Variants in TMEM232 observed in about 807,000 individuals in gnomAD.
TMEM232 encodes transmembrane protein 232.
Under a neutral mutation model 78.8 loss-of-function variants are expected in TMEM232, and 80 were observed. The ratio of observed to expected loss-of-function variants is 1.01; its 90% confidence interval spans 0.85 to 1.22. The LOEUF (loss-of-function observed/expected upper bound fraction) is 1.22. TMEM232 is among the 50% of genes most tolerant of loss of function. The probability of loss-of-function intolerance (pLI) is 0.00; values close to 1 mark genes in which losing one functional copy is unlikely to be tolerated. For missense variants in TMEM232, 881 were observed against 742.2 expected, an observed-to-expected ratio of 1.19 and a Z score of -2.17; for synonymous variants, 297 against 254.3, an observed-to-expected ratio of 1.17 and a Z score of -1.60.
intron 8 of TMEM232, among the ~76,000 whole-genome samples, chr5:110,613,341 G>A (rs1306059619): frequency 2.6e-5 from 4 of 152,096 alleles, no homozygotes; most frequent in African/African-American, 9.7e-5. Flanking sequence ...CATCAGAAAT[G>A]GGCATATGAG....
At chr5:110,621,163 C>A (rs1783698946) in intron 7 of TMEM232, among the ~76,000 whole-genome samples, 1 of 151,296 alleles carries the variant, frequency 6.6e-6, no homozygotes, top group African/African-American at 2.4e-5. Flanking sequence ...ATGCCCGGCC[C>A]ATCAAGCAAT....
chr5:110,668,529 C>G (rs1191068777), intron 1 of TMEM232, among the ~76,000 whole-genome samples: 1 of 152,056 alleles, frequency 6.6e-6, no homozygotes, highest in African/African-American at 2.4e-5. Context: ...GGAAAATATC[C>G]AGCAAAATAT....
rs903044806 is a variant in TMEM232, at chr5:110,419,578, C to T, written c.*1002G>A. Among the ~76,000 whole-genome samples, 14 of 152,100 alleles carry T rather than the reference C, an allele frequency of 9.2e-5. No individual in the cohort carries two copies. Among genetic ancestry groups the T allele is most frequent in the African/African-American group, 2.7e-4 (11 of 41,440 alleles). ...AGGCTGGATGATTTTACAATACTGACATACATTTTGGAATGTAACCGAGTG... is the reference window on the plus strand; with the variant it reads ...AGGCTGGATGATTTTACAATACTGATATACATTTTGGAATGTAACCGAGTG... On this transcript the variant is annotated 3_prime_UTR_variant, in exon 14 of 14. Coordinates refer to ENST00000455884, the MANE Select transcript of TMEM232 (RefSeq NM_001039763.4).
intron 12 of TMEM232, among the ~76,000 whole-genome samples, chr5:110,489,989 T>TG (rs1764856292): frequency 6.6e-6 from 1 of 151,914 alleles, no homozygotes; most frequent in Non-Finnish European, 1.5e-5. Context: ...CTGGGTGTGG[T>TG]GGCGCGTGCC....
At chr5:110,564,127 A>C (rs1776062036) in intron 11 of TMEM232, among the ~76,000 whole-genome samples, 1 of 151,990 alleles carries the variant, frequency 6.6e-6, no homozygotes, top group Non-Finnish European at 1.5e-5. Flanking sequence ...TATTAACATT[A>C]ATTTGTATCC....
chr5:110,393,956 C>T (rs1165809432), intron 3 of TMEM232, among the ~76,000 whole-genome samples: 2 of 122,418 alleles, frequency 1.6e-5, no homozygotes, highest in East Asian at 2.8e-4. Flanking sequence ...GAAACTTCAT[C>T]TCAAAAAAAA....
chr5:110,588,868 G>T (rs1779166465), intron 10 of TMEM232, among the ~76,000 whole-genome samples: 1 of 152,012 alleles, frequency 6.6e-6, no homozygotes, highest in African/African-American at 2.4e-5. Context: ...GAGATATTTT[G>T]GGGTCTATCA....
chr5:110,712,308 C>T (rs563146008), intron 1 of TMEM232, among the ~76,000 whole-genome samples: 1 of 151,780 alleles, frequency 6.6e-6, no homozygotes, highest in Non-Finnish European at 1.5e-5. Flanking sequence ...AAAGAGACCA[C>T]CCAAAGACTA....
chr5:110,403,722 T>C (rs1161460996), intron 2 of TMEM232, among the ~76,000 whole-genome samples: 2 of 151,958 alleles, frequency 1.3e-5, no homozygotes, highest in Admixed American at 1.3e-4. Flanking sequence ...TTTGTTAATA[T>C]CATCCAAAAA....
At chr5:110,670,759 C>A (rs527516252) in intron 1 of TMEM232, among the ~76,000 whole-genome samples, 19 of 152,098 alleles carry the variant, frequency 1.2e-4, no homozygotes, top group African/African-American at 2.9e-4. Flanking sequence ...TAACAGCTAA[C>A]AACATCACTG....
At chr5:110,638,424 CT>C in intron 4 of TMEM232, 69 bp from the exon 5 acceptor site, 1 of 1,393,082 alleles carries the variant, frequency 7.2e-7, no homozygotes, top group Non-Finnish European at 9.6e-7. Context: ...GCTATAATTA[CT>C]TTTTGTAATT....
chr5:110,453,927 A>G (rs1365247815), intron 12 of TMEM232, among the ~76,000 whole-genome samples: 3 of 152,210 alleles, frequency 2.0e-5, no homozygotes, highest in Non-Finnish European at 2.9e-5. Context: ...TTACAATGTG[A>G]TTAATAAAAA....
At chr5:110,477,587 G>A (rs1763386532) in intron 12 of TMEM232, among the ~76,000 whole-genome samples, 1 of 151,610 alleles carries the variant, frequency 6.6e-6, no homozygotes, top group African/African-American at 2.4e-5. Flanking sequence ...GTCCTTTCAT[G>A]GTTGTGTTAA....
intron 1 of TMEM232, among the ~76,000 whole-genome samples, chr5:110,683,408 G>A (rs1192801479): frequency 1.3e-5 from 2 of 151,444 alleles, no homozygotes; most frequent in Non-Finnish European, 2.9e-5. Flanking sequence ...ATATGTTGTG[G>A]CCTTGTAATA....
chr5:110,594,730 T>C (rs1779944104), intron 10 of TMEM232, among the ~76,000 whole-genome samples: 1 of 152,186 alleles, frequency 6.6e-6, no homozygotes, highest in Admixed American at 6.5e-5. Context: ...AGACTGCCTC[T>C]CTAGATTCCT....
chr5:110,543,501 C>T (rs1399697156), intron 11 of TMEM232, among the ~76,000 whole-genome samples: 1 of 152,172 alleles, frequency 6.6e-6, no homozygotes, highest in Non-Finnish European at 1.5e-5. Flanking sequence ...GTGTCTCTAC[C>T]ACTTGCCAGT....
Position 110,723,547 on chromosome 5 carries a change from T to A in TMEM232, c.-13+3080A>T, listed in dbSNP as rs185363788. ...ACTCTAAATGAGTATCCTGAAAATCTCAAAATCTGTATAGACTGTTAGCTA... is the reference window on the plus strand; with the variant it reads ...ACTCTAAATGAGTATCCTGAAAATCACAAAATCTGTATAGACTGTTAGCTA... On this transcript the variant is annotated intron_variant, in intron 1 of 13. Transcript: ENST00000455884. Among the ~76,000 whole-genome samples the A allele has an allele frequency of 3.4e-3, 523 of 152,264 alleles. 2 individuals are homozygous for A. Among genetic ancestry groups the A allele is most frequent in the Admixed American group, 6.4e-3 (97 of 15,268 alleles).
At chr5:110,484,172 A>C (rs1764214787) in intron 12 of TMEM232, among the ~76,000 whole-genome samples, 1 of 152,070 alleles carries the variant, frequency 6.6e-6, no homozygotes, top group South Asian at 2.1e-4. Context: ...GGGGAAGGGG[A>C]CTGAGTGTTG....
At chr5:110,477,803 C>T (rs79741317) in intron 12 of TMEM232, among the ~76,000 whole-genome samples, 4,647 of 151,908 alleles carry the variant, frequency 0.031, 208 homozygotes, top group African/African-American at 0.092. Flanking sequence ...AATAGAAATA[C>T]AATCAATCAC....
Sources: gnomAD v4.1 joint callset for allele counts (sites outside exome capture counted in the v4.1 genomes callset) on GRCh38, gnomAD v4.1.1 for gene constraint, MANE v1.5 for transcripts, NCBI Gene and HGNC (gene_info 2026-07-23, HGNC 2026-07-21) for gene names.